The following AMPH variants were observed in gnomAD, a reference collection of about 807,000 sequenced individuals.
The protein encoded by AMPH is amphiphysin, also known as amphiphysin (Stiff-Mann syndrome with breast cancer 128kD autoantigen).
In AMPH, 49 loss-of-function variants were observed where a neutral mutation model predicts 99.1. That is an observed-to-expected ratio of 0.49 (90% CI 0.39 to 0.63). The LOEUF (loss-of-function observed/expected upper bound fraction) is 0.63, where lower values mean the gene tolerates loss of function less well. Ranked by LOEUF, AMPH falls within the 20% of genes least tolerant of loss-of-function variation. AMPH has a pLI of 0.00. For missense variants in AMPH, 759 were observed against 863.4 expected (o/e 0.88, Z 1.52); for synonymous variants, 314 against 317.3 (o/e 0.99, Z 0.11).
At chr7:38,390,946 G>A (rs1784467911) in intron 19 of AMPH, among the ~76,000 whole-genome samples, 1 of 138,718 alleles carries the variant, frequency 7.2e-6, no homozygotes, top group South Asian at 2.4e-4. Flanking sequence ...ACTTTCTAAT[G>A]GAGAGAGACA....
chr7:38,587,526 A>G (rs1264507472), intron 1 of AMPH, among the ~76,000 whole-genome samples: 1 of 152,224 alleles, frequency 6.6e-6, no homozygotes, highest in Non-Finnish European at 1.5e-5. Context: ...TTAAATAATG[A>G]AAGTTTGCAA....
intron 1 of AMPH, among the ~76,000 whole-genome samples, chr7:38,610,413 A>G (rs1032343060): frequency 6.7e-6 from 1 of 148,390 alleles, no homozygotes; most frequent in Non-Finnish European, 1.5e-5. Flanking sequence ...GAAAAGAAAA[A>G]AGAAACTCAG....
chr7:38,511,446 T>G (rs1789537547), intron 2 of AMPH, among the ~76,000 whole-genome samples: 1 of 152,210 alleles, frequency 6.6e-6, no homozygotes, highest in Non-Finnish European at 1.5e-5. Flanking sequence ...CTTTGAATAT[T>G]GCAGTAATAG....
At chr7:38,450,341 C>A (rs1786961734) in intron 11 of AMPH, among the ~76,000 whole-genome samples, 1 of 152,186 alleles carries the variant, frequency 6.6e-6, no homozygotes, top group African/African-American at 2.4e-5. Context: ...CCACTGGACA[C>A]AAAGATAGAC....
At chr7:38,426,449 T>C (rs375943711) in intron 15 of AMPH, among the ~76,000 whole-genome samples, 4 of 152,350 alleles carry the variant, frequency 2.6e-5, no homozygotes, top group African/African-American at 9.6e-5. Flanking sequence ...AGCTCCTTCC[T>C]GGAGAACTGC....
intron 7 of AMPH, 93 bp from the exon 8 acceptor site, chr7:38,466,341 G>T: frequency 9.6e-7 from 1 of 1,040,014 alleles, no homozygotes. Context: ...TGAAAACCCA[G>T]GTTTCTTTTA....
intron 1 of AMPH, among the ~76,000 whole-genome samples, chr7:38,589,811 C>A (rs1161231594): frequency 6.6e-6 from 1 of 152,138 alleles, no homozygotes; most frequent in Non-Finnish European, 1.5e-5. Context: ...TTTATATGCC[C>A]AGAAAGGGCA....
chr7:38,491,941 C>T (rs11486852), intron 4 of AMPH, among the ~76,000 whole-genome samples: 29,727 of 152,120 alleles, frequency 0.2, 3,119 homozygotes, highest in Middle Eastern at 0.23. Flanking sequence ...GGGAACTAGA[C>T]CTCCCTGAAT....
intron 19 of AMPH, among the ~76,000 whole-genome samples, chr7:38,391,186 C>G (rs2128974243): frequency 6.6e-6 from 1 of 152,174 alleles, no homozygotes; most frequent in Non-Finnish European, 1.5e-5. Context: ...TGGTAAGAAC[C>G]CTTTGGTTTA....
chr7:38,496,434 C>A (rs1788934733), intron 3 of AMPH, among the ~76,000 whole-genome samples: 1 of 152,124 alleles, frequency 6.6e-6, no homozygotes, highest in Non-Finnish European at 1.5e-5. Context: ...GTCCTGCCTA[C>A]ATGAGCTGAA....
chr7:38,516,515 A>T (rs1260985759), intron 2 of AMPH, among the ~76,000 whole-genome samples: 1 of 152,218 alleles, frequency 6.6e-6, no homozygotes, highest in African/African-American at 2.4e-5. Context: ...ATTTCAGAGG[A>T]TGTATGGAAA....
At chr7:38,494,211 G>A (rs926724680) in intron 4 of AMPH, among the ~76,000 whole-genome samples, 3 of 152,048 alleles carry the variant, frequency 2.0e-5, no homozygotes, top group Non-Finnish European at 2.9e-5. Context: ...CACCCGCCTC[G>A]TCCTCCCAAA....
intron 1 of AMPH, among the ~76,000 whole-genome samples, chr7:38,536,336 T>C (rs1214352575): frequency 6.6e-6 from 1 of 152,212 alleles, no homozygotes; most frequent in African/African-American, 2.4e-5. Context: ...CTTTTTTAAC[T>C]AGACATTTTC....
At chr7:38,424,565 A>T (rs1485666959) in intron 15 of AMPH, among the ~76,000 whole-genome samples, 1 of 152,140 alleles carries the variant, frequency 6.6e-6, no homozygotes, top group Non-Finnish European at 1.5e-5. Flanking sequence ...AAAAGGAAAC[A>T]GCAAAGAAAC....
chr7:38,494,576 T>C (rs761262364), intron 3 of AMPH, 49 bp from the exon 4 acceptor site: 1 of 1,513,194 alleles, frequency 6.6e-7, no homozygotes, highest in South Asian at 1.1e-5. Context: ...GAGTGAGGAT[T>C]CTCTTCTCCC....
chr7:38,588,601 AT>A (rs1221192368), intron 1 of AMPH, among the ~76,000 whole-genome samples: 31 of 152,170 alleles, frequency 2.0e-4, no homozygotes, highest in African/African-American at 7.2e-4. Flanking sequence ...CTTTTTTAAA[AT>A]TTTTGCCAAT....
intron 11 of AMPH, among the ~76,000 whole-genome samples, chr7:38,448,576 A>AAT (rs1450510697): frequency 6.6e-6 from 1 of 152,200 alleles, no homozygotes; most frequent in Non-Finnish European, 1.5e-5. Flanking sequence ...TGTGAATGTG[A>AAT]ATATAGTCTC....
At chr7:38,480,953 A>G (rs1186401394) in intron 5 of AMPH, among the ~76,000 whole-genome samples, 3 of 152,224 alleles carry the variant, frequency 2.0e-5, no homozygotes, top group Non-Finnish European at 2.9e-5. Flanking sequence ...CTATGAATCA[A>G]TAACTTTTAA....
intron 14 of AMPH, chr7:38,429,514 A>T (rs1347465256): frequency 7.3e-7 from 1 of 1,372,544 alleles, no homozygotes; most frequent in Admixed American, 2.2e-5. Flanking sequence ...TCTTCGGCCA[A>T]CCCACTGTCT....
Sources: allele counts gnomAD v4.1 joint callset (sites outside exome capture counted in the v4.1 genomes callset), GRCh38; gene constraint gnomAD v4.1.1; transcripts MANE v1.5; gene names NCBI Gene and HGNC (gene_info 2026-07-23, HGNC 2026-07-21).